The following COL6A1 variants were observed in gnomAD, a reference collection of about 807,000 sequenced individuals.
The protein encoded by COL6A1 is collagen alpha-1(VI) chain.
COL6A1 carries 80 observed loss-of-function variants against 145.6 expected under a neutral mutation model. The observed-to-expected ratio is 0.55, with a 90% CI of 0.46 to 0.66. COL6A1 has a LOEUF of 0.66. COL6A1 is among the 30% of genes least tolerant of loss of function. The pLI, the probability that COL6A1 is intolerant of heterozygous loss-of-function variation, is 0.00. For missense variants in COL6A1, 1,364 were observed against 1,473.8 expected, an observed-to-expected ratio of 0.93 and a Z score of 1.22; for synonymous variants, 638 against 622.8, an observed-to-expected ratio of 1.02 and a Z score of -0.36.
chr21:45,991,079 A>G, intron 15 of COL6A1, 38 bp downstream of exon 15: 1 of 1,608,174 alleles, frequency 6.2e-7, no homozygotes, highest in Non-Finnish European at 8.5e-7. Flanking sequence ...CAGGGCCTTC[A>G]CGGTTGGCCA....
In COL6A1 at chr21:46,004,175, T is replaced by C; in HGVS notation, c.*162T>C. 1 of 987,088 alleles carries C rather than the reference T, an allele frequency of 1.0e-6. No individual in the cohort carries two copies. Among genetic ancestry groups the C allele is most frequent in the Admixed American group, 2.3e-5 (1 of 43,110 alleles). 61.1% of individuals were successfully genotyped at this position (987,088 alleles called of 1,614,324 possible). A position where few individuals can be genotyped will look rare whatever the true frequency, so the allele number is the denominator to read the frequency against. On this transcript the variant is annotated 3_prime_UTR_variant, in exon 35 of 35. Coordinates refer to ENST00000361866, the MANE Select transcript of COL6A1 (RefSeq NM_001848.3). ...GGACACAACGCTGCTGCCTGCTTTGTGCAGGGTCCTCCGGGGCTCAGCCCT... is the reference window on the plus strand; with the variant it reads ...GGACACAACGCTGCTGCCTGCTTTGCGCAGGGTCCTCCGGGGCTCAGCCCT...
At chr21:45,992,948 C>A in intron 19 of COL6A1, 138 bp downstream of exon 19, 2 of 740,350 alleles carry the variant, frequency 2.7e-6, no homozygotes, top group Non-Finnish European at 4.5e-6. Flanking sequence ...ATCCCCACGC[C>A]GTCAGGGAGG....
At chr21:45,997,807 C>T in intron 22 of COL6A1, 45 bp downstream of exon 22, 1 of 1,547,544 alleles carries the variant, frequency 6.5e-7, no homozygotes, top group East Asian at 2.4e-5. Flanking sequence ...GCCTGGCCGC[C>T]AGAGGCCCTG....
intron 3 of COL6A1, among the ~76,000 whole-genome samples, 176 bp from the exon 4 acceptor site, chr21:45,986,350 A>C (rs1318763004): frequency 6.6e-6 from 1 of 152,122 alleles, no homozygotes; most frequent in African/African-American, 2.4e-5. Flanking sequence ...TGAGACCCAC[A>C]GGCGTTATTT....
chr21:45,982,801 T>C, intron 2 of COL6A1, 38 bp downstream of exon 2: 1 of 1,607,056 alleles, frequency 6.2e-7, no homozygotes, highest in Non-Finnish European at 8.5e-7. Context: ...CCTGTGCTTC[T>C]GGGCCTCTTG....
intron 24 of COL6A1, 116 bp downstream of exon 24, chr21:45,998,549 A>T (rs913835493): frequency 1.4e-6 from 2 of 1,389,740 alleles, no homozygotes; most frequent in Non-Finnish European, 2.0e-6. Context: ...CACGGGGTAC[A>T]CAGGCACCCA....
intron 19 of COL6A1, 72 bp downstream of exon 19, chr21:45,992,882 T>A: frequency 7.3e-7 from 1 of 1,377,818 alleles, no homozygotes; most frequent in South Asian, 1.2e-5. Flanking sequence ...GGGTCAGGCC[T>A]CCAGAGCCAC....
At position 45,988,876 on chromosome 21, in the gene COL6A1, G is replaced by C. The variant is rs2839076; in HGVS notation, c.805-208G>C. On this transcript the variant is annotated intron_variant, in intron 8 of 34. Transcript: ENST00000361866. ...TGTGCCTGGGGGTCAGCAAAGCCGA[G>C]CAGACAGGAACGAAGGCAGGGAGTG... Among the ~76,000 whole-genome samples the C allele has an allele frequency of 0.16, 23,900 of 152,070 alleles. 3,061 individuals are homozygous for C. Among genetic ancestry groups the C allele is most frequent in the African/African-American group, 0.36 (14,772 of 41,398 alleles).
chr21:45,993,923 G>A (rs1039880931), intron 19 of COL6A1, among the ~76,000 whole-genome samples: 2 of 152,206 alleles, frequency 1.3e-5, no homozygotes, highest in African/African-American at 4.8e-5. Flanking sequence ...ACGCAGGGAC[G>A]CCTCTGGGGC....
chr21:46,004,595 T>A lies in COL6A1; in HGVS notation c.*582T>A. ...CCTCAGCTTGGGGCAGCCATTGGCC[T>A]CTGTCTCGTTTTGGGAAACCAAGGT... On this transcript the variant is annotated 3_prime_UTR_variant, in exon 35 of 35. Coordinates refer to ENST00000361866, the MANE Select transcript of COL6A1 (RefSeq NM_001848.3). 2.7e-6 allele frequency: 1 copy of A among 375,452 alleles called. No homozygotes were observed. The highest frequency in any genetic ancestry group is 5.5e-6 in the Non-Finnish European group (1 of 182,172). The allele number at this position is 375,452 out of a possible 1,614,324, so 23.3% of individuals were successfully genotyped here.
Position 45,986,528 on chromosome 21 carries a change from G to C in COL6A1, c.431G>C (p.Gly144Ala). ...TCACGCTGCCCTCTCCTGTCCAGGG[G>C]CTCCCACCTGAAGGAGAATAAGTAC... ...KKGLEQLLVG[G>A]SHLKENKYLI... Residue 144 changes from glycine to alanine, a missense_variant and splice_region_variant, in exon 4 of 35, where the codon GGC becomes GCC. This residue lies in a region of COL6A1 where 414 missense variants were observed against 437.6 expected (regional missense o/e 0.95). Coordinates refer to ENST00000361866, the MANE Select transcript of COL6A1 (RefSeq NM_001848.3). 1 of 1,558,174 alleles carries C rather than the reference G, an allele frequency of 6.4e-7. No individual in the cohort carries two copies. The highest frequency in any genetic ancestry group is 1.2e-5 in the South Asian group (1 of 84,514).
chr21:45,994,768 A>C lies in COL6A1; in HGVS notation c.1398+539A>C, dbSNP rs2077795700. Among the ~76,000 whole-genome samples the C allele has an allele frequency of 6.6e-6, 1 of 152,056 alleles. No individual in the cohort carries two copies. The highest frequency in any genetic ancestry group is 2.4e-5 in the African/African-American group (1 of 41,390). ...GCTTTCTGTCTCTTCCCCCATTCTG[A>C]TGACTGCCATGATGGTGGCTCCAGT... On this transcript the variant is annotated intron_variant, in intron 20 of 34. Transcript: ENST00000361866. The surrounding 1 kb of genome is among the most constrained non-coding windows in gnomAD (Gnocchi z 6.8).
intron 3 of COL6A1, among the ~76,000 whole-genome samples, chr21:45,985,235 CAG>C (rs1569517786): frequency 6.8e-6 from 1 of 147,710 alleles, no homozygotes; most frequent in African/African-American, 2.5e-5. Flanking sequence ...GAAGCAGAGA[CAG>C]GGACAGAGAC....
chr21:46,000,305 C>CA (rs778479074), intron 27 of COL6A1, 26 bp from the exon 28 acceptor site: 1 of 1,613,800 alleles, frequency 6.2e-7, no homozygotes, highest in Non-Finnish European at 8.5e-7. Context: ...TCTATGGCCC[C>CA]AGTACCCTCG....
Position 45,987,241 on chromosome 21 carries a change from T to C in COL6A1, c.738+66T>C, listed in dbSNP as rs559795661. The C allele has an allele frequency of 6.8e-5, 107 of 1,578,554 alleles. 1 individual carries two copies. The East Asian group carries it at 2.4e-3, about 35-fold the overall frequency. ...ACGTCCACCCACACGTCCACCTGTG[T>C]GTTCAGGACGCATGTCCCTATGCAT... On this transcript the variant is annotated intron_variant, in intron 6 of 34. Transcript: ENST00000361866.
rs117583120 is a variant in COL6A1 at position 46,003,735 on chromosome 21, A to C, written c.2809A>C (p.Lys937Gln). The C allele has an allele frequency of 4.3e-6, 7 of 1,612,782 alleles. No individual in the cohort carries two copies. In the Admixed American group the frequency reaches 1.2e-4, roughly 27 times the overall value. ...CGAGGCCTCGTCCGGCGCTGCCAAG[A>C]AGAGGCTGCTGCTCTTCTCAGATGG... is the stretch of plus-strand genomic sequence containing the variant. ...YREASSGAAK[K>Q]RLLLFSDGNS... Residue 937 changes from lysine to glutamine, a missense_variant, in exon 35 of 35, where the codon AAG (lysine) becomes CAG (glutamine). Lys to Gln is a moderately conservative substitution (Grantham distance 53). Around this residue, in one of 3 missense-constraint regions of COL6A1, gnomAD observed 938 missense variants for 1,003.8 expected, o/e 0.93. Transcript: ENST00000361866.
chr21:45,997,913 G>C, intron 22 of COL6A1, 151 bp downstream of exon 22: 1 of 1,119,892 alleles, frequency 8.9e-7, no homozygotes, highest in South Asian at 1.5e-5. Flanking sequence ...GTCGGCACCT[G>C]AGCCAGAGGC....
At chr21:46,003,258 G>T (rs2123492144) in intron 34 of COL6A1, 109 bp downstream of exon 34, 1 of 1,605,190 alleles carries the variant, frequency 6.2e-7, no homozygotes, top group Non-Finnish European at 8.5e-7. Flanking sequence ...ACGAGAGTAG[G>T]TGCATGGCTC....
intron 8 of COL6A1, among the ~76,000 whole-genome samples, chr21:45,988,841 C>A (rs2077757850): frequency 6.6e-6 from 1 of 152,100 alleles, no homozygotes. Context: ...TGCTGCACGT[C>A]CCTCCCACCT....
Sources: gnomAD v4.1 joint callset for allele counts (sites outside exome capture counted in the v4.1 genomes callset) on GRCh38, gnomAD v4.1.1 for gene constraint, gnomAD v4.1.1 regional missense constraint, Gnocchi (gnomAD v3.1) non-coding constraint, MANE v1.5 for transcripts, NCBI Gene and HGNC (gene_info 2026-07-23, HGNC 2026-07-21) for gene names.